Variants in ZNF276 observed in about 807,000 individuals in gnomAD.
ZNF276 encodes the protein zinc finger protein 276.
ZNF276 carries 59 observed loss-of-function variants against 63.9 expected under a neutral mutation model. The ratio of observed to expected loss-of-function variants is 0.92; its 90% CI spans 0.75 to 1.15. The LOEUF is 1.15. ZNF276 is among the 50% of genes most tolerant of loss of function. The pLI, the probability that ZNF276 is intolerant of heterozygous loss-of-function variation, is 0.00. For missense variants in ZNF276, 1,084 were observed against 843.8 expected, an observed-to-expected ratio of 1.28 and a Z score of -3.53; for synonymous variants, 496 against 348.4, an observed-to-expected ratio of 1.42 and a Z score of -4.72.
chr16:89,726,186 T>TTTTGTA (rs747429308), intron 4 of ZNF276, among the ~76,000 whole-genome samples: 4 of 151,862 alleles, frequency 2.6e-5, no homozygotes, highest in East Asian at 1.9e-4. Flanking sequence ...CTGCTAATTT[T>TTTTGTA]TTTGTATTTG....
At chr16:89,731,291 T>C (rs1020290188) in intron 6 of ZNF276, among the ~76,000 whole-genome samples, 2 of 152,250 alleles carry the variant, frequency 1.3e-5, no homozygotes, top group Non-Finnish European at 2.9e-5. Context: ...TCTTGCTCTG[T>C]TGCCCAGACT....
intron 1 of ZNF276, 39 bp from the exon 2 acceptor site, chr16:89,722,492 C>G (rs781537216): frequency 6.4e-7 from 1 of 1,573,656 alleles, no homozygotes; most frequent in Non-Finnish European, 8.6e-7. Context: ...TCAGGAGCCT[C>G]CTTTGCCAGC....
In ZNF276 at chr16:89,738,696, G is replaced by C. The variant is rs587778321; in HGVS notation, c.*450G>C. ...CTCACCTCTGGGTCGCAGTCCCCAC[G>C]ATCAGCCAGCAGCTGTGAGAGAGGA... On this transcript the variant is annotated 3_prime_UTR_variant, in exon 11 of 11. Transcript: ENST00000443381. 7 of 1,613,766 alleles carry C rather than the reference G, an allele frequency of 4.3e-6. No individual in the cohort carries two copies. Among genetic ancestry groups the C allele is most frequent in the Admixed American group, 3.3e-5 (2 of 59,992 alleles).
rs151188857 is a variant in ZNF276 at position 89,730,911 on chromosome 16, T to C, written c.1169+1593T>C. On this transcript the variant is annotated intron_variant, in intron 6 of 10. Coordinates refer to ENST00000443381, the MANE Select transcript of ZNF276 (RefSeq NM_001113525.2). The stretch of plus-strand genomic sequence containing the variant: ...AGAAGAGACTTCTGTGATGTGTTAA[T>C]GAGGGGTCAGTGGTTCCCGCCAGAG... 7.9e-5 allele frequency among the ~76,000 whole-genome samples: 12 copies of C among 152,336 alleles called. No homozygotes were observed. The East Asian group carries it at 2.3e-3, about 29-fold the overall frequency.
chr16:89,720,664 A>T, upstream of ZNF276: 5 of 1,241,226 alleles, frequency 4.0e-6, no homozygotes, highest in Non-Finnish European at 5.0e-6. Context: ...CCCGCTCCCA[A>T]GTCTCCAGCC....
At chr16:89,734,445 C>T (rs2061781832) in intron 9 of ZNF276, among the ~76,000 whole-genome samples, 2 of 152,208 alleles carry the variant, frequency 1.3e-5, no homozygotes, top group South Asian at 4.1e-4. Flanking sequence ...CCCGCCTCAG[C>T]CTCCCAAGTA....
At chr16:89,720,640 G>T, upstream of ZNF276, 1 of 1,228,224 alleles carries the variant, frequency 8.1e-7, no homozygotes, top group Non-Finnish European at 1.0e-6. Flanking sequence ...CGCGGCCCGG[G>T]ATCCCGGCTG....
chr16:89,736,686 T>A (rs1311092175), intron 9 of ZNF276, among the ~76,000 whole-genome samples: 1 of 150,566 alleles, frequency 6.6e-6, no homozygotes, highest in African/African-American at 2.5e-5. Context: ...TCCCAGCTAC[T>A]TGAGAGGTTG....
upstream of ZNF276, chr16:89,720,690 C>A: frequency 7.6e-7 from 1 of 1,312,416 alleles, no homozygotes; most frequent in East Asian, 3.3e-5. Context: ...CGGCCCCGTC[C>A]TCGCCCTCCC....
intron 9 of ZNF276, among the ~76,000 whole-genome samples, chr16:89,735,558 A>C (rs1433650822): frequency 1.3e-5 from 2 of 152,078 alleles, no homozygotes; most frequent in Admixed American, 1.3e-4. Context: ...ACTGATGGTC[A>C]CAACCAGCAG....
intron 6 of ZNF276, chr16:89,733,004 G>A (rs567742819): frequency 7.6e-5 from 21 of 275,812 alleles, no homozygotes; most frequent in Middle Eastern, 2.7e-3. Context: ...TGTACCCTGC[G>A]CCCTCGCCCT....
chr16:89,734,155 A>C, intron 9 of ZNF276, 117 bp downstream of exon 9: 11 of 912,480 alleles, frequency 1.2e-5, no homozygotes, highest in Non-Finnish European at 1.9e-5. Context: ...AAGGTGGCTC[A>C]TGGGGTCTTT....
chr16:89,729,139 A>G, intron 5 of ZNF276, 96 bp from the exon 6 acceptor site: 2 of 958,454 alleles, frequency 2.1e-6, no homozygotes, highest in Non-Finnish European at 3.3e-6. Flanking sequence ...AATGTGGGAC[A>G]TGGGGGTCCA....
chr16:89,733,611 G>A (rs534899963), intron 8 of ZNF276, 54 bp downstream of exon 8: 4 of 1,595,388 alleles, frequency 2.5e-6, no homozygotes, highest in African/African-American at 1.3e-5. Context: ...GTGAACCTGG[G>A]GGAGGTAGCA....
In ZNF276 at chr16:89,740,860, C is replaced by T; in HGVS notation, c.*2614C>T. 1.2e-6 allele frequency: 2 copies of T among 1,612,722 alleles called. No individual in the cohort carries two copies. The highest frequency in any genetic ancestry group is 1.6e-4 in the Middle Eastern group (1 of 6,062). On this transcript the variant is annotated 3_prime_UTR_variant, in exon 11 of 11. Transcript: ENST00000443381. ...ATCAAGGAGAAGAAGAAAAGGAAAA[C>T]CAATAGCTGTAAATAAAAACGTGCA...
In ZNF276 at chr16:89,723,611, C is replaced by G; in HGVS notation, c.908C>G (p.Pro303Arg). Residue 303 changes from proline (P) to arginine (R), a missense_variant, in exon 4 of 11, where the codon CCC (proline) becomes CGC (arginine). Pro to Arg is a moderately radical substitution (Grantham distance 103, BLOSUM62 -2). Transcript: ENST00000443381. ...GTTGGGGCTGAGACCAAGACCCTGCCCAGCACGGATGTGGCCCAGCCTCCT... is the reference window on the plus strand; with the variant it reads ...GTTGGGGCTGAGACCAAGACCCTGCGCAGCACGGATGTGGCCCAGCCTCCT... ...TPVGAETKTL[P>R]STDVAQPPSD... 6.2e-7 allele frequency: 1 copy of G among 1,612,770 alleles called. No individual in the cohort carries two copies. Among genetic ancestry groups the G allele is most frequent in the Non-Finnish European group, 8.5e-7 (1 of 1,180,018 alleles).
At chr16:89,722,449 G>C in intron 1 of ZNF276, 82 bp from the exon 2 acceptor site, 1 of 1,462,882 alleles carries the variant, frequency 6.8e-7, no homozygotes, top group Non-Finnish European at 9.2e-7. Context: ...TGCAGGCGCT[G>C]CCCTCGGACC....
chr16:89,738,870 T>G lies in ZNF276; in HGVS notation c.*624T>G, dbSNP rs1298529768. The G allele has an allele frequency of 6.2e-7, 1 of 1,614,232 alleles. No homozygotes were observed. Among genetic ancestry groups the G allele is most frequent in the South Asian group, 1.1e-5 (1 of 91,092 alleles). ...TCCCCCACATGGCCCAAGGTGGGCA[T>G]CTTGACGTTACCTCTGCCACGTGTG... On this transcript the variant is annotated 3_prime_UTR_variant, in exon 11 of 11. Transcript: ENST00000443381.
intron 9 of ZNF276, among the ~76,000 whole-genome samples, chr16:89,736,795 C>CA (rs3039799): frequency 0.012 from 887 of 72,458 alleles, 16 homozygotes; most frequent in Middle Eastern, 0.031. Flanking sequence ...ACCCTGTCTC[C>CA]AAAAAAAAAA....
Sources: allele counts gnomAD v4.1 joint callset (sites outside exome capture counted in the v4.1 genomes callset), GRCh38; gene constraint gnomAD v4.1.1; transcripts MANE v1.5; gene names NCBI Gene and HGNC (gene_info 2026-07-23, HGNC 2026-07-21).